Variants in PKHD1 observed in about 807,000 individuals in gnomAD.
PKHD1 encodes the protein PKHD1 ciliary IPT domain containing fibrocystin/polyductin.
A neutral mutation model predicts 412.0 loss-of-function variants in PKHD1; 291 were observed. The ratio of observed to expected loss-of-function variants is 0.71; its 90% confidence interval spans 0.64 to 0.78. The LOEUF (loss-of-function observed/expected upper bound fraction) is 0.78. Ranked by LOEUF, PKHD1 falls within the 30% of genes least tolerant of loss-of-function variation. PKHD1 has a pLI of 0.00. For synonymous variants in PKHD1, 1,777 were observed against 1,821.5 expected (o/e 0.98, Z 0.62); for missense variants, 4,825 against 4,950.7 (o/e 0.97, Z 0.76).
At chr6:51,725,073 G>A (rs1782407237) in intron 60 of PKHD1, among the ~76,000 whole-genome samples, 1 of 152,142 alleles carries the variant, frequency 6.6e-6, no homozygotes, top group African/African-American at 2.4e-5. Context: ...AAAAGTTAAA[G>A]TAGGTCCAGA....
intron 3 of PKHD1, 42 bp from the exon 4 acceptor site, chr6:52,082,584 A>G (rs997989858): frequency 3.1e-6 from 5 of 1,600,812 alleles, no homozygotes; most frequent in Non-Finnish European, 4.3e-6. Flanking sequence ...TAGAATTGTC[A>G]TTGACACAGG....
chr6:51,721,486 C>T (rs777679262), intron 60 of PKHD1: 81 of 885,014 alleles, frequency 9.2e-5, no homozygotes, highest in Non-Finnish European at 1.0e-4. Context: ...ATTATTTCAC[C>T]TATCACTTTA....
At chr6:51,624,600 G>T (rs1767012295) in intron 66 of PKHD1, among the ~76,000 whole-genome samples, 1 of 152,216 alleles carries the variant, frequency 6.6e-6, no homozygotes, top group Non-Finnish European at 1.5e-5. Flanking sequence ...GAAGGCAGGG[G>T]CGGGTCTTTT....
At chr6:51,626,299 C>A (rs1260016900) in intron 66 of PKHD1, among the ~76,000 whole-genome samples, 1 of 152,126 alleles carries the variant, frequency 6.6e-6, no homozygotes, top group Admixed American at 6.6e-5. Flanking sequence ...ACGTTTCAGG[C>A]CCATGGAAAT....
At chr6:51,839,005 A>G (rs150960865) in intron 50 of PKHD1, among the ~76,000 whole-genome samples, 2 of 152,244 alleles carry the variant, frequency 1.3e-5, no homozygotes, top group East Asian at 1.9e-4. Context: ...TCCAGGTGCC[A>G]GTCAACAAGG....
At chr6:51,744,783 A>G (rs917997523) in intron 59 of PKHD1, among the ~76,000 whole-genome samples, 3 of 152,184 alleles carry the variant, frequency 2.0e-5, no homozygotes, top group African/African-American at 7.2e-5. Context: ...ATCTTTATAT[A>G]GATTGCTGAT....
At chr6:51,727,699 C>G (rs1478462540) in intron 60 of PKHD1, among the ~76,000 whole-genome samples, 2 of 152,140 alleles carry the variant, frequency 1.3e-5, no homozygotes, top group Admixed American at 6.5e-5. Context: ...CTGGTGTGCC[C>G]CTGGAAAGGC....
At chr6:51,827,925 A>C (rs1283801062) in intron 52 of PKHD1, among the ~76,000 whole-genome samples, 1 of 152,152 alleles carries the variant, frequency 6.6e-6, no homozygotes, top group Non-Finnish European at 1.5e-5. Context: ...TTGCATTAGA[A>C]TGGTTCTAAT....
At position 51,713,279 on chromosome 6, in the gene PKHD1, T is replaced by G. The variant is rs569582528; in HGVS notation, c.10156+31106A>C. On this transcript the variant is annotated intron_variant, in intron 60 of 66. Coordinates refer to ENST00000371117, the MANE Select transcript of PKHD1 (RefSeq NM_138694.4). ...GATGACATAACTTTTTTGAATACTT[T>G]CAAATATGAAAAATTCCAGTGCAAT... Among the ~76,000 whole-genome samples the G allele has an allele frequency of 8.5e-5, 13 of 152,360 alleles. No individual in the cohort carries two copies. In the South Asian group the frequency reaches 1.7e-3, roughly 19 times the overall value.
chr6:52,044,885 T>G, intron 25 of PKHD1, 81 bp downstream of exon 25: 3 of 1,507,678 alleles, frequency 2.0e-6, no homozygotes, highest in Non-Finnish European at 2.8e-6. Flanking sequence ...GCTAAATCAA[T>G]GAGTCCATGT....
chr6:51,733,742 T>C (rs926150517), intron 60 of PKHD1, among the ~76,000 whole-genome samples: 1 of 152,206 alleles, frequency 6.6e-6, no homozygotes, highest in Non-Finnish European at 1.5e-5. Flanking sequence ...TGTAAAATGC[T>C]GTAATACAGA....
intron 55 of PKHD1, among the ~76,000 whole-genome samples, chr6:51,758,926 TG>T (rs1202861200): frequency 1.3e-5 from 2 of 152,182 alleles, no homozygotes; most frequent in Admixed American, 6.6e-5. Flanking sequence ...TAAATGAATT[TG>T]TTAACTTAAT....
At chr6:51,623,224 G>T (rs1040197851) in intron 66 of PKHD1, among the ~76,000 whole-genome samples, 2 of 152,090 alleles carry the variant, frequency 1.3e-5, no homozygotes, top group African/African-American at 4.8e-5. Context: ...TGAGGCATTT[G>T]CAATAATAGT....
chr6:51,648,961 G>T, intron 62 of PKHD1, 124 bp downstream of exon 62: 2 of 896,228 alleles, frequency 2.2e-6, no homozygotes, highest in Non-Finnish European at 3.7e-6. Flanking sequence ...AGCTCTAAGT[G>T]CAACAAATTG....
At position 51,619,392 on chromosome 6, in the gene PKHD1, TACCAGGAGCAGGCACA is replaced by T. The variant is rs765699024; in HGVS notation, c.11898_11913del (p.Val3967LeufsTer66). 2.5e-6 allele frequency: 4 copies of T among 1,613,706 alleles called. No individual in the cohort carries two copies. The highest frequency in any genetic ancestry group is 3.4e-6 in the Non-Finnish European group (4 of 1,179,602). On this transcript the variant is annotated frameshift_variant, in exon 67 of 67. Transcript: ENST00000371117. LOFTEE classifies it low-confidence loss of function (END_TRUNC). The stretch of plus-strand genomic sequence containing the variant: ...TGCCCATGGGATGTGATGCCAGTAG[TACCAGGAGCAGGCACA>T]GCAGCCTCTTCCTCTCGGACAATGT...
chr6:51,866,740 A>G (rs1438131303), intron 48 of PKHD1, among the ~76,000 whole-genome samples: 19 of 152,160 alleles, frequency 1.2e-4, no homozygotes, highest in Admixed American at 1.2e-3. Flanking sequence ...AACTCTCAAA[A>G]CACTCATTTA....
chr6:51,790,954 A>G (rs1356809464), intron 53 of PKHD1, among the ~76,000 whole-genome samples: 2 of 152,190 alleles, frequency 1.3e-5, no homozygotes, highest in African/African-American at 2.4e-5. Flanking sequence ...GGAAGAATTG[A>G]TCTGTAGCCT....
chr6:51,626,291 G>C (rs1012414485), intron 66 of PKHD1, among the ~76,000 whole-genome samples: 1 of 152,100 alleles, frequency 6.6e-6, no homozygotes, highest in Non-Finnish European at 1.5e-5. Flanking sequence ...GTTTTAAAAC[G>C]TTTCAGGCCC....
chr6:51,918,929 T>C (rs1400248939), intron 37 of PKHD1, among the ~76,000 whole-genome samples: 4 of 152,224 alleles, frequency 2.6e-5, no homozygotes. Flanking sequence ...CATAAATATC[T>C]TCCTTTGAGA....
Sources: allele counts gnomAD v4.1 joint callset (sites outside exome capture counted in the v4.1 genomes callset), GRCh38; gene constraint gnomAD v4.1.1; transcripts MANE v1.5; gene names NCBI Gene and HGNC (gene_info 2026-07-23, HGNC 2026-07-21).